Variants in CHRM2 observed in about 807,000 individuals in gnomAD.
CHRM2 encodes the protein cholinergic receptor muscarinic 2, also known as muscarinic acetylcholine receptor M2.
Under a neutral mutation model 25.0 loss-of-function variants are expected in CHRM2, and 8 were observed. That is an observed-to-expected ratio of 0.32 (90% CI 0.19 to 0.58). The LOEUF (loss-of-function observed/expected upper bound fraction) is 0.58. CHRM2 is among the 20% of genes least tolerant of loss of function. CHRM2 has a pLI of 0.88. For synonymous variants in CHRM2, 202 were observed against 205.7 expected (o/e 0.98, Z 0.15); for missense variants, 440 against 567.1 (o/e 0.78, Z 2.28).
intron 2 of CHRM2, among the ~76,000 whole-genome samples, chr7:136,911,583 G>A (rs185783599): frequency 3.9e-4 from 59 of 152,010 alleles, no homozygotes; most frequent in Admixed American, 2.2e-3. Context: ...TTGGAAGAAG[G>A]AGCCACCAAG....
At chr7:136,990,248 T>C (rs971090237) in intron 2 of CHRM2, among the ~76,000 whole-genome samples, 3 of 152,152 alleles carry the variant, frequency 2.0e-5, no homozygotes, top group African/African-American at 4.8e-5. Context: ...ATAGTTTATA[T>C]TGGGGTTCAC....
chr7:136,962,041 C>A (rs780811014), intron 2 of CHRM2, among the ~76,000 whole-genome samples: 1 of 152,044 alleles, frequency 6.6e-6, no homozygotes, highest in Non-Finnish European at 1.5e-5. Context: ...GGAAAAGGAA[C>A]GACTGGAGGG....
intron 2 of CHRM2, among the ~76,000 whole-genome samples, chr7:136,891,209 G>A (rs1447752675): frequency 6.6e-6 from 1 of 152,126 alleles, no homozygotes; most frequent in Non-Finnish European, 1.5e-5. Flanking sequence ...ACTTTAATCA[G>A]ATTTCCTTAG....
chr7:136,990,414 T>C (rs916522128), intron 2 of CHRM2, among the ~76,000 whole-genome samples: 7 of 152,178 alleles, frequency 4.6e-5, no homozygotes, highest in Admixed American at 3.3e-4. Flanking sequence ...ATTGATCTTT[T>C]TACTGTCTTC....
chr7:136,968,721 A>AATATATATATATAT (rs57962090), intron 2 of CHRM2, among the ~76,000 whole-genome samples: 19 of 142,470 alleles, frequency 1.3e-4, no homozygotes, highest in Middle Eastern at 3.7e-3. Flanking sequence ...TATTATCATA[A>AATATATATATATAT]ATATATATAT....
At chr7:136,941,151 A>G (rs1027889770) in intron 2 of CHRM2, among the ~76,000 whole-genome samples, 1 of 152,192 alleles carries the variant, frequency 6.6e-6, no homozygotes, top group Admixed American at 6.5e-5. Flanking sequence ...TCCTGTTATG[A>G]GATTAATTTT....
At chr7:136,921,786 C>CTTTTTTTTTTTTTTTTTTTT (rs1485518823) in intron 2 of CHRM2, among the ~76,000 whole-genome samples, 2 of 110,488 alleles carry the variant, frequency 1.8e-5, no homozygotes, top group Non-Finnish European at 4.7e-5. Flanking sequence ...TTCTTTCTTT[C>CTTTTTTTTTTTTTTTTTTTT]TTTCTTTCTT....
Position 137,016,268 on chromosome 7 carries a change from A to C in CHRM2, c.*2A>C. On this transcript the variant is annotated 3_prime_UTR_variant, in exon 4 of 4. Transcript: ENST00000680005. The stretch of plus-strand genomic sequence containing the variant: ...AAGAACATAGGCGCTACAAGGTAAA[A>C]TATCTTTGAAAAAGATAGAAGGTGG... The C allele has an allele frequency of 6.2e-7, 1 of 1,612,316 alleles. No individual in the cohort carries two copies. Among genetic ancestry groups the C allele is most frequent in the Non-Finnish European group, 8.5e-7 (1 of 1,178,818 alleles).
intron 2 of CHRM2, among the ~76,000 whole-genome samples, chr7:136,889,205 G>A (rs1055505592): frequency 3.3e-5 from 5 of 152,070 alleles, no homozygotes; most frequent in Admixed American, 1.3e-4. Flanking sequence ...TGATTTCTGA[G>A]AGAAGGGCTG....
chr7:136,927,256 A>G (rs1798799828), intron 2 of CHRM2, among the ~76,000 whole-genome samples: 1 of 152,164 alleles, frequency 6.6e-6, no homozygotes, highest in South Asian at 2.1e-4. Context: ...TGGGTGGTCC[A>G]CCAGAAGGCT....
At chr7:137,003,597 T>C (rs1804219140) in intron 3 of CHRM2, among the ~76,000 whole-genome samples, 1 of 151,882 alleles carries the variant, frequency 6.6e-6, no homozygotes, top group Admixed American at 6.6e-5. Flanking sequence ...TTTCCTTCCA[T>C]CTTGGGGTAT....
At chr7:137,007,377 T>A (rs1483257366) in intron 3 of CHRM2, among the ~76,000 whole-genome samples, 1 of 152,080 alleles carries the variant, frequency 6.6e-6, no homozygotes, top group Non-Finnish European at 1.5e-5. Context: ...CATGTGTGGA[T>A]CTCCTCAGAA....
intron 2 of CHRM2, among the ~76,000 whole-genome samples, chr7:136,978,008 C>T (rs1188584285): frequency 6.7e-6 from 1 of 149,748 alleles, no homozygotes; most frequent in Non-Finnish European, 1.5e-5. Flanking sequence ...AGCCCTTTAC[C>T]CATTACTTAT....
chr7:136,996,528 CA>C (rs1267217839), intron 3 of CHRM2, among the ~76,000 whole-genome samples: 1 of 151,988 alleles, frequency 6.6e-6, no homozygotes, highest in Non-Finnish European at 1.5e-5. Flanking sequence ...CCCAAAATAG[CA>C]AATGTATATA....
At chr7:137,006,866 A>G (rs1804469622) in intron 3 of CHRM2, among the ~76,000 whole-genome samples, 1 of 152,004 alleles carries the variant, frequency 6.6e-6, no homozygotes, top group Non-Finnish European at 1.5e-5. Context: ...CTTTCAACAC[A>G]TCTTTTCAGA....
intron 2 of CHRM2, among the ~76,000 whole-genome samples, chr7:136,891,041 T>G (rs1431039751): frequency 6.6e-6 from 1 of 152,218 alleles, no homozygotes; most frequent in East Asian, 1.9e-4. Flanking sequence ...AAATACACTT[T>G]TAATCTTAAC....
intron 2 of CHRM2, among the ~76,000 whole-genome samples, chr7:136,929,667 T>C (rs1317668643): frequency 5.9e-5 from 9 of 152,006 alleles, no homozygotes; most frequent in African/African-American, 2.2e-4. Context: ...CGTGGTTAAA[T>C]AAGAAAACCC....
At chr7:136,961,854 A>T (rs1801105482) in intron 2 of CHRM2, among the ~76,000 whole-genome samples, 1 of 152,146 alleles carries the variant, frequency 6.6e-6, no homozygotes, top group African/African-American at 2.4e-5. Context: ...TATGTGGAGA[A>T]GAAAGTAGAG....
In CHRM2 at chr7:137,015,647, A is replaced by G; in HGVS notation, c.782A>G (p.Gln261Arg). The change falls in exon 4 of 4, where the codon CAG (glutamine) becomes CGG (arginine). Residue 261 changes from glutamine to arginine, a missense_variant. Coordinates refer to ENST00000680005, the MANE Select transcript of CHRM2 (RefSeq NM_001006630.2). The surrounding 1 kb of genome is among the most constrained non-coding windows in gnomAD (Gnocchi z 5.1). ...GATGGCCTGGAGCACAACAAAATCCAGAATGGCAAAGCCCCCAGGGATCCT... is the reference window on the plus strand; with the variant it reads ...GATGGCCTGGAGCACAACAAAATCCGGAATGGCAAAGCCCCCAGGGATCCT... The part of the protein sequence containing the change: ...SDDGLEHNKI[Q>R]NGKAPRDPVT... 6.2e-7 allele frequency: 1 copy of G among 1,613,052 alleles called. No homozygotes were observed. Among genetic ancestry groups the G allele is most frequent in the South Asian group, 1.1e-5 (1 of 91,064 alleles).
Sources: allele counts gnomAD v4.1 joint callset (sites outside exome capture counted in the v4.1 genomes callset), GRCh38; gene constraint gnomAD v4.1.1; non-coding constraint Gnocchi (gnomAD v3.1); transcripts MANE v1.5; gene names NCBI Gene and HGNC (gene_info 2026-07-23, HGNC 2026-07-21).